The following FAM184A variants were observed in gnomAD, a reference collection of about 807,000 sequenced individuals.
FAM184A encodes the protein family with sequence similarity 184 member A.
A neutral mutation model predicts 143.8 loss-of-function variants in FAM184A; 99 were observed. The ratio of observed to expected loss-of-function variants is 0.69; its 90% confidence interval spans 0.58 to 0.81. The LOEUF (loss-of-function observed/expected upper bound fraction) is 0.81, where lower values mean the gene tolerates loss of function less well. Ranked by LOEUF, FAM184A falls within the 40% of genes least tolerant of loss-of-function variation. The pLI is 0.00. For synonymous variants in FAM184A, 427 were observed against 446.4 expected, an observed-to-expected ratio of 0.96 and a Z score of 0.55; for missense variants, 1,217 against 1,310.5, an observed-to-expected ratio of 0.93 and a Z score of 1.10.
At chr6:119,112,289 C>T (rs1025180720) in intron 1 of FAM184A, among the ~76,000 whole-genome samples, 4 of 151,760 alleles carry the variant, frequency 2.6e-5, no homozygotes, top group South Asian at 2.1e-4. Flanking sequence ...GTTACATGCC[C>T]GGCTAATTTT....
chr6:119,022,488 G>T, intron 3 of FAM184A, among the ~76,000 whole-genome samples: 1 of 152,104 alleles, frequency 6.6e-6, no homozygotes, highest in Non-Finnish European at 1.5e-5. Context: ...TATCTTATAA[G>T]TAATTAGTAA....
chr6:119,131,538 T>G (rs1490824631), intron 1 of FAM184A, among the ~76,000 whole-genome samples: 4 of 152,196 alleles, frequency 2.6e-5, no homozygotes, highest in Non-Finnish European at 1.5e-5. Flanking sequence ...CAGGCTGGAA[T>G]GCAGTGGTGT....
At chr6:119,100,410 C>T (rs899167234) in intron 1 of FAM184A, among the ~76,000 whole-genome samples, 4 of 152,038 alleles carry the variant, frequency 2.6e-5, no homozygotes, top group Non-Finnish European at 5.9e-5. Context: ...GGTTTTTATC[C>T]ATCAATGTCT....
chr6:119,110,958 G>A (rs548031349), intron 1 of FAM184A, among the ~76,000 whole-genome samples: 1 of 151,214 alleles, frequency 6.6e-6, no homozygotes, highest in East Asian at 2.0e-4. Flanking sequence ...ATTCACTCTG[G>A]TCACCACCTG....
intron 1 of FAM184A, among the ~76,000 whole-genome samples, chr6:119,095,154 C>T (rs1244456244): frequency 2.0e-5 from 3 of 152,156 alleles, no homozygotes; most frequent in African/African-American, 2.4e-5. Flanking sequence ...AAGCCAGTCC[C>T]GTACACCCAG....
At chr6:119,011,071 T>G in intron 6 of FAM184A, 1 of 367,016 alleles carries the variant, frequency 2.7e-6, no homozygotes, top group Admixed American at 4.4e-5. Flanking sequence ...TATGTGGTGA[T>G]ATTCTGTTTT....
chr6:119,082,909 T>A (rs1392452488), upstream of FAM184A, among the ~76,000 whole-genome samples: 3 of 152,202 alleles, frequency 2.0e-5, no homozygotes, highest in East Asian at 5.8e-4. Flanking sequence ...ACCCCACATT[T>A]CCCTTCTGCA....
At chr6:119,079,783 C>T (rs1000586246), upstream of FAM184A, among the ~76,000 whole-genome samples, 2 of 152,146 alleles carry the variant, frequency 1.3e-5, no homozygotes, top group African/African-American at 2.4e-5. Context: ...CTGGATGTGA[C>T]AACATCTAAA....
chr6:119,074,610 A>T (rs1423110454), intron 1 of FAM184A, among the ~76,000 whole-genome samples: 1 of 152,230 alleles, frequency 6.6e-6, no homozygotes, highest in Admixed American at 6.5e-5. Context: ...TGACAAAAAA[A>T]AAGCTTTTAT....
chr6:119,034,896 T>C (rs1039916636), intron 1 of FAM184A, among the ~76,000 whole-genome samples: 1 of 152,062 alleles, frequency 6.6e-6, no homozygotes, highest in Admixed American at 6.6e-5. Context: ...TAAGAAAAAA[T>C]ATTAGAAAAT....
At chr6:119,027,641 C>T (rs539177109) in intron 1 of FAM184A, among the ~76,000 whole-genome samples, 1 of 152,256 alleles carries the variant, frequency 6.6e-6, no homozygotes, top group East Asian at 1.9e-4. Flanking sequence ...GAAAAGGTAG[C>T]AGAACAATAG....
chr6:118,983,552 G>A lies in FAM184A; in HGVS notation c.2089-3202C>T, dbSNP rs896616947. Among the ~76,000 whole-genome samples, 41 of 151,844 alleles carry A rather than the reference G, an allele frequency of 2.7e-4. 1 individual carries two copies. The highest frequency in any genetic ancestry group is 9.7e-4 in the African/African-American group (40 of 41,322). ...GCACGGTATTAGTTTCTATACATTC[G>A]TTAAAATTTAAAAAATTCTATTTCT... On this transcript the variant is annotated intron_variant, in intron 9 of 17. Transcript: ENST00000338891.
In FAM184A at chr6:119,106,209, G is replaced by A. The variant is rs529248253; in HGVS notation, c.-202+42869C>T. On this transcript the variant is annotated intron_variant, in intron 1 of 16. Coordinates refer to the FAM184A transcript ENST00000352896. ...AGATCGAGACCATCCTGGCTAACAC[G>A]GTGAAATCCCGTCTCTACTAAAAAT... Among the ~76,000 whole-genome samples the A allele has an allele frequency of 8.7e-5, 13 of 150,060 alleles. No homozygotes were observed. In the East Asian group the frequency reaches 1.6e-3, roughly 19 times the overall value.
chr6:119,010,723 T>A (rs9387624), intron 6 of FAM184A, among the ~76,000 whole-genome samples: 57,660 of 151,992 alleles, frequency 0.38, 11,570 homozygotes, highest in East Asian at 0.68. Flanking sequence ...AACTTTGATA[T>A]CATGTTCAAA....
At chr6:119,125,909 G>A (rs1318781507) in intron 1 of FAM184A, among the ~76,000 whole-genome samples, 2 of 152,150 alleles carry the variant, frequency 1.3e-5, no homozygotes, top group African/African-American at 2.4e-5. Context: ...TCAGTGTAGA[G>A]GGTCTATTCA....
chr6:119,031,359 T>C (rs1376054331), intron 1 of FAM184A: 2 of 152,280 alleles, frequency 1.3e-5, no homozygotes, highest in South Asian at 2.1e-4. Context: ...CTGGTGCTAT[T>C]ACATGAAGAG....
chr6:119,098,214 T>C (rs1003656607), intron 1 of FAM184A, among the ~76,000 whole-genome samples: 2 of 152,182 alleles, frequency 1.3e-5, no homozygotes, highest in Non-Finnish European at 2.9e-5. Flanking sequence ...GCTCTCATTC[T>C]CTCTTGGCTG....
intron 1 of FAM184A, among the ~76,000 whole-genome samples, chr6:119,077,287 GAGACAGCT>G (rs1787909206): frequency 6.6e-6 from 1 of 152,130 alleles, no homozygotes; most frequent in Non-Finnish European, 1.5e-5. Flanking sequence ...AAGCTGTTAG[GAGACAGCT>G]TAAACACATT....
chr6:118,979,923 G>A (rs964702511), intron 10 of FAM184A, among the ~76,000 whole-genome samples: 1 of 151,840 alleles, frequency 6.6e-6, no homozygotes, highest in Non-Finnish European at 1.5e-5. Flanking sequence ...GGTGGTGTGC[G>A]CCTATAGTCC....
Sources: gnomAD v4.1 joint callset for allele counts (sites outside exome capture counted in the v4.1 genomes callset) on GRCh38, gnomAD v4.1.1 for gene constraint, MANE v1.5 for transcripts, NCBI Gene and HGNC (gene_info 2026-07-23, HGNC 2026-07-21) for gene names.